The following DOCK10 variants were observed in gnomAD, a reference collection of about 807,000 sequenced individuals.
DOCK10 encodes the protein dedicator of cytokinesis 10, also known as dedicator of cytokinesis protein 10.
A neutral mutation model predicts 280.1 loss-of-function variants in DOCK10; 145 were observed. The ratio of observed to expected loss-of-function variants is 0.52; its 90% CI spans 0.45 to 0.59. The LOEUF (loss-of-function observed/expected upper bound fraction) is 0.59, where lower values mean the gene tolerates loss of function less well. Ranked by LOEUF, DOCK10 falls within the 20% of genes least tolerant of loss-of-function variation. The pLI, the probability that DOCK10 is intolerant of heterozygous loss-of-function variation, is 0.00. For missense variants in DOCK10, 2,368 were observed against 2,651.7 expected (o/e 0.89, Z 2.35); for synonymous variants, 915 against 942.2 (o/e 0.97, Z 0.53).
chr2:224,892,463 A>G (rs888684510), intron 4 of DOCK10, among the ~76,000 whole-genome samples: 33 of 151,632 alleles, frequency 2.2e-4, no homozygotes, highest in Admixed American at 1.4e-3. Context: ...ATCGAAGAGG[A>G]GAAAGAGGAG....
intron 3 of DOCK10, among the ~76,000 whole-genome samples, chr2:224,908,508 T>C (rs1458715804): frequency 1.3e-5 from 2 of 151,988 alleles, no homozygotes. Flanking sequence ...TTTTTATTTT[T>C]CTACGGACAG....
Position 224,928,997 on chromosome 2 carries a change from C to T in DOCK10, c.243+2552G>A, listed in dbSNP as rs111447520. ...CTTCAGGGCCTTTGCACCAGCTACC[C>T]CTTTAGCCTGAAACATGCTTTCCCC... On this transcript the variant is annotated intron_variant, in intron 2 of 55. Coordinates refer to ENST00000258390, the MANE Select transcript of DOCK10 (RefSeq NM_014689.3). 7.8e-3 allele frequency among the ~76,000 whole-genome samples: 1,186 copies of T among 152,320 alleles called. 18 individuals are homozygous for T. Among genetic ancestry groups the T allele is most frequent in the African/African-American group, 0.027 (1,121 of 41,548 alleles).
chr2:224,769,977 T>G (rs981541323), intron 55 of DOCK10, among the ~76,000 whole-genome samples: 1 of 152,194 alleles, frequency 6.6e-6, no homozygotes, highest in African/African-American at 2.4e-5. Context: ...AGGGTTCATT[T>G]GGACTGTGGA....
rs1281863801 is a variant in DOCK10 at position 224,787,287 on chromosome 2, T to C, written c.5529A>G (p.Gln1843=). The C allele has an allele frequency of 6.2e-7, 1 of 1,613,920 alleles. No individual in the cohort carries two copies. The highest frequency in any genetic ancestry group is 2.2e-5 in the East Asian group (1 of 44,902). ...NKPIIAVFEK[Q]RDFKKLSDLY... Reference sequence around the variant, plus strand: ...TTGGAATACATACTTTGAAGTCTCGTTGTTTCTCAAAGACAGCAATGATGG... The same window carrying C: ...TTGGAATACATACTTTGAAGTCTCGCTGTTTCTCAAAGACAGCAATGATGG... The change falls in exon 49 of 56, where the codon CAA becomes CAG. Residue 1843 remains glutamine (Q), a synonymous_variant. Transcript: ENST00000258390.
At chr2:224,987,159 T>C (rs1482260444) in intron 1 of DOCK10, among the ~76,000 whole-genome samples, 4 of 152,132 alleles carry the variant, frequency 2.6e-5, no homozygotes, top group South Asian at 2.1e-4. Flanking sequence ...CAAAGCAGTA[T>C]AAAGGCAATA....
intron 28 of DOCK10, among the ~76,000 whole-genome samples, chr2:224,821,108 A>C (rs1353907163): frequency 6.6e-6 from 1 of 152,208 alleles, no homozygotes; most frequent in Non-Finnish European, 1.5e-5. Flanking sequence ...GAAATGTACA[A>C]GCTTTTTGGC....
At chr2:224,819,398 T>C in intron 29 of DOCK10, 48 bp downstream of exon 29, 2 of 1,276,296 alleles carry the variant, frequency 1.6e-6, no homozygotes, top group Non-Finnish European at 2.2e-6. Flanking sequence ...TTTATTTATT[T>C]ACAATGCCAT....
At position 224,883,003 on chromosome 2, in the gene DOCK10, A is replaced by G. The variant is rs1187466114; in HGVS notation, c.747+2668T>C. On this transcript the variant is annotated intron_variant, in intron 7 of 55. Transcript: ENST00000258390. ...AAACTGGTCCCTGCCTCTACAAAGG[A>G]TGTAGAGAATACTGGATAAAGCTTC... is the stretch of plus-strand genomic sequence containing the variant. Among the ~76,000 whole-genome samples the G allele has an allele frequency of 3.3e-5, 5 of 152,234 alleles. No individual in the cohort carries two copies. The East Asian group carries it at 5.8e-4, about 18-fold the overall frequency.
intron 1 of DOCK10, among the ~76,000 whole-genome samples, chr2:224,982,942 T>C (rs1235462194): frequency 1.3e-5 from 2 of 152,132 alleles, no homozygotes. Flanking sequence ...TAGATCAAGA[T>C]GATTTAACCA....
chr2:224,897,644 T>C (rs1042584122), intron 3 of DOCK10, among the ~76,000 whole-genome samples: 54 of 152,198 alleles, frequency 3.5e-4, no homozygotes, highest in African/African-American at 1.3e-3. Flanking sequence ...TAAGAACATG[T>C]GATGTTTCTC....
At position 225,042,198 on chromosome 2, in the gene DOCK10, T is replaced by C; in HGVS notation, c.123+54A>G. 1 of 1,226,188 alleles carries C rather than the reference T, an allele frequency of 8.2e-7. No homozygotes were observed. The highest frequency in any genetic ancestry group is 3.7e-5 in the South Asian group (1 of 26,954). The allele number at this position is 1,226,188 out of a possible 1,614,324, so 76.0% of individuals were successfully genotyped here. ...AGCTTTTGGGGAAGCTGGGCTCCGT[T>C]CCCCCCGGGCGCCTGGGGCGCGCGG... On this transcript the variant is annotated intron_variant, in intron 1 of 55. Coordinates refer to ENST00000258390, the MANE Select transcript of DOCK10 (RefSeq NM_014689.3). This position sits in a 1 kb window ranked among gnomAD's most constrained non-coding sequence, Gnocchi z 5.1.
At position 224,823,519 on chromosome 2, in the gene DOCK10, G is replaced by A. The variant is rs4324315; in HGVS notation, c.3165C>T (p.Ser1055=). 118 of 1,601,296 alleles carry A rather than the reference G, an allele frequency of 7.4e-5. 1 individual carries two copies. Among genetic ancestry groups the A allele is most frequent in the Middle Eastern group, 3.3e-4 (2 of 6,040 alleles). The stretch of plus-strand genomic sequence containing the variant: ...ACTGTACCTTGAGAAATCTGGCAAC[G>A]CTGTGGTTTGCCCTTCTTGTTTCTT... ...ALEETRRANH[S]VARFLKRCFT... The change falls in exon 28 of 56, where the codon AGC becomes AGT. Residue 1055 remains serine, a synonymous_variant. Transcript: ENST00000258390.
chr2:224,807,966 G>C lies in DOCK10; in HGVS notation c.3530C>G (p.Ala1177Gly). ...EDQDVRHLALAVLKNLMAKHS... is the reference protein window; with the variant it reads ...EDQDVRHLALGVLKNLMAKHS... ...CTTAGCCATTAGATTTTTTAGGACA[G>C]CTAAAGCTAAGTGTCTGACATCTTG... Residue 1177 changes from alanine to glycine, a missense_variant, in exon 32 of 56, where the codon GCT (alanine) becomes GGT (glycine). Ala to Gly is a moderately conservative substitution (Grantham distance 60). This residue lies in a region of DOCK10 where 1,159 missense variants were observed against 1,400.8 expected (regional missense o/e 0.83). Transcript: ENST00000258390. 1 of 1,612,876 alleles carries C rather than the reference G, an allele frequency of 6.2e-7. No individual in the cohort carries two copies. The highest frequency in any genetic ancestry group is 8.5e-7 in the Non-Finnish European group (1 of 1,179,358).
At chr2:224,939,668 T>G (rs1169420757) in intron 1 of DOCK10, among the ~76,000 whole-genome samples, 1 of 152,242 alleles carries the variant, frequency 6.6e-6, no homozygotes, top group Non-Finnish European at 1.5e-5. Context: ...TTAATTTATA[T>G]GAAGCCTGTG....
At chr2:224,798,916 G>C (rs1395316294) in intron 41 of DOCK10, among the ~76,000 whole-genome samples, 1 of 152,148 alleles carries the variant, frequency 6.6e-6, no homozygotes, top group Non-Finnish European at 1.5e-5. Flanking sequence ...TTACAGGCAT[G>C]AGCCACCACA....
intron 1 of DOCK10, among the ~76,000 whole-genome samples, chr2:224,990,131 T>C (rs2126268687): frequency 6.6e-6 from 1 of 152,328 alleles, no homozygotes; most frequent in East Asian, 1.9e-4. Flanking sequence ...AGATAATTCT[T>C]TCGTTGGTAC....
chr2:224,879,458 A>G (rs1431654784), intron 7 of DOCK10, among the ~76,000 whole-genome samples: 1 of 152,166 alleles, frequency 6.6e-6, no homozygotes, highest in Non-Finnish European at 1.5e-5. Context: ...AACAACAGGA[A>G]TAGAAATAGA....
chr2:224,905,585 C>T (rs887316733), intron 3 of DOCK10, among the ~76,000 whole-genome samples: 12 of 152,282 alleles, frequency 7.9e-5, no homozygotes, highest in Admixed American at 3.3e-4. Flanking sequence ...GCTTTGGGCA[C>T]TCTGCCTGAA....
At chr2:224,829,341 A>G (rs564284913) in intron 27 of DOCK10, among the ~76,000 whole-genome samples, 1 of 152,310 alleles carries the variant, frequency 6.6e-6, no homozygotes, top group South Asian at 2.1e-4. Flanking sequence ...TAAAACTGGC[A>G]TTTGGAGTAA....
Sources: gnomAD v4.1 joint callset for allele counts (sites outside exome capture counted in the v4.1 genomes callset) on GRCh38, gnomAD v4.1.1 for gene constraint, gnomAD v4.1.1 regional missense constraint, Gnocchi (gnomAD v3.1) non-coding constraint, MANE v1.5 for transcripts, NCBI Gene and HGNC (gene_info 2026-07-23, HGNC 2026-07-21) for gene names.